Variants in AKAP19 observed in about 807,000 individuals in gnomAD.
AKAP19 encodes A-kinase anchoring protein 19, also known as small A-kinase anchoring protein.
the AKAP19 span, among the ~76,000 whole-genome samples, chr2:190,017,018 T>A: frequency 3.1e-3 from 467 of 152,288 alleles, 1 homozygote; most frequent in African/African-American, 0.011. Flanking sequence ...AAATTGACCC[T>A]TTTATCATTA....
the AKAP19 span, among the ~76,000 whole-genome samples, chr2:190,128,166 G>A: frequency 6.6e-6 from 1 of 152,148 alleles, no homozygotes; most frequent in Admixed American, 6.5e-5. Flanking sequence ...TGGAGCTAAT[G>A]TCTCTTTAAG....
the AKAP19 span, among the ~76,000 whole-genome samples, chr2:190,009,193 G>A: frequency 6.6e-6 from 1 of 152,144 alleles, no homozygotes; most frequent in African/African-American, 2.4e-5. Context: ...AGGCCTTGTA[G>A]AGGACTTTGT....
the AKAP19 span, among the ~76,000 whole-genome samples, chr2:189,991,490 A>G: frequency 1.3e-5 from 2 of 152,158 alleles, no homozygotes; most frequent in East Asian, 3.9e-4. Context: ...CCATTTGTAT[A>G]TCTCTTTTGA....
chr2:190,038,578 C>A, the AKAP19 span, among the ~76,000 whole-genome samples: 2 of 152,198 alleles, frequency 1.3e-5, no homozygotes, highest in Non-Finnish European at 1.5e-5. Flanking sequence ...CTCTAACTCT[C>A]TCCCTCAGCC....
the AKAP19 span, among the ~76,000 whole-genome samples, chr2:189,960,169 G>A: frequency 7.9e-5 from 12 of 152,058 alleles, no homozygotes; most frequent in African/African-American, 2.2e-4. Flanking sequence ...ATTGAACACC[G>A]GCTGTTAGGT....
the AKAP19 span, among the ~76,000 whole-genome samples, chr2:189,968,225 T>C: frequency 6.6e-6 from 1 of 152,216 alleles, no homozygotes. Context: ...AATGATATAG[T>C]TAAATATTCT....
chr2:189,883,556 T>C, the AKAP19 span, among the ~76,000 whole-genome samples: 1 of 151,132 alleles, frequency 6.6e-6, no homozygotes, highest in South Asian at 2.1e-4. Flanking sequence ...ACAACCTTTT[T>C]CCCCTTACTT....
At chr2:190,112,429 A>G in the AKAP19 span, among the ~76,000 whole-genome samples, 1 of 152,176 alleles carries the variant, frequency 6.6e-6, no homozygotes, top group East Asian at 1.9e-4. Context: ...GCCAGGACCT[A>G]CAGTATTCTG....
the AKAP19 span, among the ~76,000 whole-genome samples, chr2:190,014,068 G>A: frequency 6.6e-6 from 1 of 152,110 alleles, no homozygotes; most frequent in South Asian, 2.1e-4. Flanking sequence ...TGCTATAAAT[G>A]TCTCTCTTAG....
chr2:190,058,581 G>C, the AKAP19 span, among the ~76,000 whole-genome samples: 1 of 151,924 alleles, frequency 6.6e-6, no homozygotes, highest in Admixed American at 6.6e-5. Flanking sequence ...ATAATTCACA[G>C]TTGTAAAGAT....
At chr2:190,050,440 C>T in the AKAP19 span, among the ~76,000 whole-genome samples, 1 of 152,130 alleles carries the variant, frequency 6.6e-6, no homozygotes, top group Non-Finnish European at 1.5e-5. Context: ...CTGGGCAGGG[C>T]CTTTTTACAG....
chr2:189,891,305 C>G, the AKAP19 span, among the ~76,000 whole-genome samples: 2 of 141,738 alleles, frequency 1.4e-5, no homozygotes, highest in Non-Finnish European at 3.0e-5. Context: ...CTCACTGCAA[C>G]CTCTGCCTCC....
chr2:190,122,812 T>C, the AKAP19 span, among the ~76,000 whole-genome samples: 2 of 142,784 alleles, frequency 1.4e-5, no homozygotes, highest in African/African-American at 2.7e-5. Flanking sequence ...CTCTCTCTCT[T>C]TTTTTTTTTT....
the AKAP19 span, among the ~76,000 whole-genome samples, chr2:190,049,968 GCATTTT>G: frequency 1.3e-4 from 20 of 152,122 alleles, no homozygotes; most frequent in Admixed American, 1.3e-3. Flanking sequence ...ATAAATGTTT[GCATTTT>G]GGGGGGAGGA....
At chr2:190,086,128 A>T in the AKAP19 span, among the ~76,000 whole-genome samples, 2 of 152,238 alleles carry the variant, frequency 1.3e-5, no homozygotes, top group South Asian at 4.1e-4. Flanking sequence ...GAAATCTATC[A>T]CATAGTATAA....
the AKAP19 span, among the ~76,000 whole-genome samples, chr2:189,954,119 A>G: frequency 6.6e-6 from 1 of 152,188 alleles, no homozygotes; most frequent in Non-Finnish European, 1.5e-5. Flanking sequence ...AAGAGATACA[A>G]TCCAGATCAG....
At chr2:190,007,823 G>A in the AKAP19 span, among the ~76,000 whole-genome samples, 2 of 152,074 alleles carry the variant, frequency 1.3e-5, no homozygotes, top group South Asian at 2.1e-4. Flanking sequence ...TTAGCTGGGT[G>A]TGGTGGTGCG....
the AKAP19 span, among the ~76,000 whole-genome samples, chr2:189,973,200 T>G: frequency 2.2e-4 from 34 of 152,348 alleles, no homozygotes; most frequent in South Asian, 2.9e-3. Flanking sequence ...AAAGGGCTGT[T>G]GAATTTTGTC....
At chr2:189,937,473 A>G in the AKAP19 span, among the ~76,000 whole-genome samples, 1 of 152,208 alleles carries the variant, frequency 6.6e-6, no homozygotes, top group South Asian at 2.1e-4. Flanking sequence ...CGAGATCATC[A>G]CCAGCAATAT....
Sources: gnomAD v4.1 joint callset for allele counts (sites outside exome capture counted in the v4.1 genomes callset) on GRCh38, gnomAD v4.1.1 for gene constraint, MANE v1.5 for transcripts, NCBI Gene and HGNC (gene_info 2026-07-23, HGNC 2026-07-21) for gene names.